FGF14: variants seen among roughly 807,000 people sequenced by gnomAD.
FGF14 encodes fibroblast growth factor 14, also known as fibroblast growth factor homologous factor 4.
Under a neutral mutation model 25.5 loss-of-function variants are expected in FGF14, and 5 were observed. That is an observed-to-expected ratio of 0.20 (90% CI 0.10 to 0.41). The LOEUF (loss-of-function observed/expected upper bound fraction) is 0.41. FGF14 is among the 10% of genes least tolerant of loss of function. The pLI is 1.00. For synonymous variants in FGF14, 138 were observed against 118.3 expected (o/e 1.17, Z -1.08); for missense variants, 222 against 320.1 (o/e 0.69, Z 2.34).
intron 1 of FGF14, among the ~76,000 whole-genome samples, chr13:101,968,374 TA>T (rs2037354600): frequency 1.3e-5 from 2 of 151,670 alleles, no homozygotes; most frequent in African/African-American, 2.4e-5. Context: ...CTGAACACAT[TA>T]AAAAAAATAC....
At chr13:101,901,836 A>G (rs78484975) in intron 1 of FGF14, among the ~76,000 whole-genome samples, 3 of 152,154 alleles carry the variant, frequency 2.0e-5, no homozygotes, top group Non-Finnish European at 2.9e-5. Flanking sequence ...ATTACTTAAC[A>G]TCTGTCAGTT....
At chr13:102,027,215 A>C (rs1402599240) in intron 1 of FGF14, among the ~76,000 whole-genome samples, 1 of 151,734 alleles carries the variant, frequency 6.6e-6, no homozygotes, top group East Asian at 1.9e-4. Flanking sequence ...AAACACACAC[A>C]CACATACACA....
At chr13:102,209,510 G>A (rs1449599475) in intron 1 of FGF14, among the ~76,000 whole-genome samples, 3 of 152,206 alleles carry the variant, frequency 2.0e-5, no homozygotes, top group Admixed American at 6.5e-5. Flanking sequence ...CCCTGCACCA[G>A]CTAGACAGGG....
chr13:102,210,349 C>A lies in FGF14; in HGVS notation c.208+191122G>T, dbSNP rs978279461. On this transcript the variant is annotated intron_variant, in intron 1 of 4. Transcript: ENST00000376131. ...TTATTTATGTATTTTAAATGAATAG[C>A]AGTAGTGAACAAATCACGGTAGTTT... Among the ~76,000 whole-genome samples, 5 of 151,954 alleles carry A rather than the reference C, an allele frequency of 3.3e-5. No homozygotes were observed. The East Asian group carries it at 9.7e-4, about 29-fold the overall frequency.
rs138013724 is a variant in FGF14 at position 102,169,439 on chromosome 13, T to C, written c.208+232032A>G. Among the ~76,000 whole-genome samples the C allele has an allele frequency of 2.4e-3, 367 of 152,178 alleles. 1 individual carries two copies. Among genetic ancestry groups the C allele is most frequent in the Non-Finnish European group, 3.9e-3 (267 of 67,992 alleles). Reference sequence around the variant, plus strand: ...GAACCTCAGACAAAGTTTTGTGTGTTTCTGAACCATGTGTAAAAGAAATAA... The same window carrying C: ...GAACCTCAGACAAAGTTTTGTGTGTCTCTGAACCATGTGTAAAAGAAATAA... On this transcript the variant is annotated intron_variant, in intron 1 of 4. Transcript: ENST00000376131.
intron 1 of FGF14, among the ~76,000 whole-genome samples, chr13:102,342,885 A>G (rs1474586248): frequency 1.3e-5 from 2 of 152,166 alleles, no homozygotes. Flanking sequence ...TTCTTAGCCT[A>G]AAGTATTTTC....
At chr13:101,935,446 T>A (rs991046631) in intron 1 of FGF14, among the ~76,000 whole-genome samples, 3 of 152,192 alleles carry the variant, frequency 2.0e-5, no homozygotes, top group Non-Finnish European at 2.9e-5. Context: ...TAATCCCCTG[T>A]GTCATGGGAA....
rs565874438 is a variant in FGF14 at position 101,784,134 on chromosome 13, C to T, written c.409-57324G>A. Among the ~76,000 whole-genome samples the T allele has an allele frequency of 2.0e-5, 3 of 152,252 alleles. No individual in the cohort carries two copies. The South Asian group carries it at 6.2e-4, about 32-fold the overall frequency. On this transcript the variant is annotated intron_variant, in intron 3 of 4. Transcript: ENST00000376143. The stretch of plus-strand genomic sequence containing the variant: ...GATTGATCTCTTTGTTTCCTGATTC[C>T]TCTAACTTATCCTGTACATTAGTGC...
intron 1 of FGF14, among the ~76,000 whole-genome samples, chr13:101,943,826 A>AAAAATATATATATATATATATATACACAC (rs1555324449): frequency 5.0e-4 from 64 of 126,798 alleles, no homozygotes; most frequent in African/African-American, 2.1e-3. Flanking sequence ...AAAAAAAAAA[A>AAAAATATATATATATATATATATACACAC]ATATATATAT....
rs190577908 is a variant in FGF14 at position 102,011,260 on chromosome 13, C to T, written c.209-135964G>A. Among the ~76,000 whole-genome samples, 652 of 152,334 alleles carry T rather than the reference C, an allele frequency of 4.3e-3. 16 individuals are homozygous for T. The highest frequency in any genetic ancestry group is 0.037 in the Admixed American group (562 of 15,308). ...TGTGATTACATACTTTGAACCTTCT[C>T]TCCTGGAGCTTCCAACAAAATGTAC... On this transcript the variant is annotated intron_variant, in intron 1 of 4. Transcript: ENST00000376131.
chr13:101,793,644 G>A (rs1031736047), intron 3 of FGF14, among the ~76,000 whole-genome samples: 1 of 151,996 alleles, frequency 6.6e-6, no homozygotes, highest in Non-Finnish European at 1.5e-5. Flanking sequence ...AGTTATTTGA[G>A]GAACCTCCAT....
At chr13:102,086,935 T>C (rs1207287364) in intron 1 of FGF14, among the ~76,000 whole-genome samples, 1 of 152,016 alleles carries the variant, frequency 6.6e-6, no homozygotes, top group African/African-American at 2.4e-5. Context: ...TGATGTGGAG[T>C]GAATTGGGAA....
chr13:101,941,548 G>A (rs2035452192), intron 1 of FGF14, among the ~76,000 whole-genome samples: 1 of 152,160 alleles, frequency 6.6e-6, no homozygotes, highest in Admixed American at 6.6e-5. Context: ...CAAGACTCCT[G>A]AGAGTTCCAT....
At chr13:101,789,763 TAA>T (rs1191056629) in intron 3 of FGF14, among the ~76,000 whole-genome samples, 1 of 151,866 alleles carries the variant, frequency 6.6e-6, no homozygotes, top group East Asian at 1.9e-4. Context: ...TTTTCTAAGA[TAA>T]AAAAGTATAT....
intron 1 of FGF14, among the ~76,000 whole-genome samples, chr13:102,124,924 T>C (rs2045889755): frequency 6.6e-6 from 1 of 152,178 alleles, no homozygotes; most frequent in Non-Finnish European, 1.5e-5. Flanking sequence ...CCTTTTATTC[T>C]TAGAAATACT....
rs1166446102 is a variant in FGF14, at chr13:102,087,575, CTTTT to C, written c.209-212283_209-212280del. Among the ~76,000 whole-genome samples, 527 of 79,866 alleles carry C rather than the reference CTTTT, an allele frequency of 6.6e-3. 4 individuals carry two copies. Among genetic ancestry groups the C allele is most frequent in the Admixed American group, 0.028 (171 of 6,144 alleles). The allele number at this position is 79,866 out of a possible 152,430, so 52.4% of individuals were successfully genotyped here. ...TACAGGCACCTGCCACCATGCCTGG[CTTTT>C]TTTTTTTTTTTTTTTTTTGTATTTT... On this transcript the variant is annotated intron_variant, in intron 1 of 4. Transcript: ENST00000376131.
At chr13:102,273,517 T>G (rs1413722686) in intron 1 of FGF14, among the ~76,000 whole-genome samples, 3 of 152,206 alleles carry the variant, frequency 2.0e-5, no homozygotes, top group Non-Finnish European at 2.9e-5. Flanking sequence ...AAAGTGAATT[T>G]TGTGATCTAA....
intron 1 of FGF14, among the ~76,000 whole-genome samples, chr13:102,149,129 A>C (rs945660428): frequency 1.3e-5 from 2 of 152,230 alleles, no homozygotes; most frequent in African/African-American, 4.8e-5. Context: ...AGAAATATCT[A>C]AGGCAGCATG....
At chr13:101,761,885 C>T (rs952729933) in intron 3 of FGF14, among the ~76,000 whole-genome samples, 1 of 152,170 alleles carries the variant, frequency 6.6e-6, no homozygotes, top group African/African-American at 2.4e-5. Flanking sequence ...CAATTAAAGG[C>T]TCCCATCTCT....
Sources: allele counts gnomAD v4.1 joint callset (sites outside exome capture counted in the v4.1 genomes callset), GRCh38; gene constraint gnomAD v4.1.1; transcripts MANE v1.5; gene names NCBI Gene and HGNC (gene_info 2026-07-23, HGNC 2026-07-21).